The following FAM110D variants were observed in gnomAD, a reference collection of about 807,000 sequenced individuals.
FAM110D encodes the protein protein FAM110D.
For synonymous variants in FAM110D, 174 were observed against 189.4 expected, an observed-to-expected ratio of 0.92 and a Z score of 0.67; for missense variants, 376 against 395.6, an observed-to-expected ratio of 0.95 and a Z score of 0.42.
rs752925601 is a variant in FAM110D, at chr1:26,161,253, G to A, written c.-39G>A. 40 of 1,482,750 alleles carry A rather than the reference G, an allele frequency of 2.7e-5. No individual in the cohort carries two copies. The highest frequency in any genetic ancestry group is 1.8e-4 in the Middle Eastern group (1 of 5,498). 91.8% of individuals were successfully genotyped at this position (1,482,750 alleles called of 1,614,324 possible). On this transcript the variant is annotated 5_prime_UTR_variant, in exon 2 of 2. The change creates a premature stop within an existing upstream ORF in the 5' untranslated region. Transcript: ENST00000374268. The surrounding 1 kb of genome is among the most constrained non-coding windows in gnomAD (Gnocchi z 5.4). ...GCCAATTGCTCTAGGCCCCGTGGCT[G>A]GCTACTTATGGGGCACTGTCCTGAC... is the stretch of plus-strand genomic sequence containing the variant.
At chr1:26,160,084 CTTTTTTTTTT>C (rs1056513694) in intron 1 of FAM110D, among the ~76,000 whole-genome samples, 39 of 115,546 alleles carry the variant, frequency 3.4e-4, no homozygotes, top group Non-Finnish European at 6.4e-5. Flanking sequence ...TCAGTGAGTT[CTTTTTTTTTT>C]TCTTTTTTTT....
At chr1:26,160,547 C>T (rs2088355545) in intron 1 of FAM110D, among the ~76,000 whole-genome samples, 1 of 152,170 alleles carries the variant, frequency 6.6e-6, no homozygotes, top group South Asian at 2.1e-4. Flanking sequence ...CTGAGCAAGC[C>T]CCCCTCCTCT....
chr1:26,160,345 C>T lies in FAM110D; in HGVS notation c.-80-867C>T, dbSNP rs371128048. On this transcript the variant is annotated intron_variant, in intron 1 of 1. Coordinates refer to ENST00000374268, the MANE Select transcript of FAM110D (RefSeq NM_024869.3). Reference sequence around the variant, plus strand: ...CTCACCTAAGGTAATTCACCCACCTCGGCCTCCCAAAGTGCTGGGATTACA... The same window carrying T: ...CTCACCTAAGGTAATTCACCCACCTTGGCCTCCCAAAGTGCTGGGATTACA... 3.3e-3 allele frequency among the ~76,000 whole-genome samples: 502 copies of T among 152,280 alleles called. 5 individuals are homozygous for T. Among genetic ancestry groups the T allele is most frequent in the African/African-American group, 0.012 (485 of 41,556 alleles).
chr1:26,161,105 A>T lies in FAM110D; in HGVS notation c.-80-107A>T. 1.7e-6 allele frequency: 1 copy of T among 591,464 alleles called. No homozygotes were observed. Among genetic ancestry groups the T allele is most frequent in the Non-Finnish European group, 2.9e-6 (1 of 345,216 alleles). The allele number at this position is 591,464 out of a possible 1,614,324, so 36.6% of individuals were successfully genotyped here. A position where few individuals can be genotyped will look rare whatever the true frequency, so the allele number is the denominator to read the frequency against. On this transcript the variant is annotated intron_variant, in intron 1 of 1. Transcript: ENST00000374268. This position sits in a 1 kb window ranked among gnomAD's most constrained non-coding sequence, Gnocchi z 5.4. ...CTGCTCCCTGGATGTGGCACCGGCT[A>T]ACCTGGATGGGAGAGGGTGGCTGAC...
chr1:26,161,860 G>A lies in FAM110D; in HGVS notation c.569G>A (p.Gly190Glu), dbSNP rs1420121053. Residue 190 changes from glycine to glutamate, a missense_variant, in exon 2 of 2, where the codon GGA becomes GAA. Physicochemically the swap from Gly to Glu is moderately conservative, Grantham distance 98 (BLOSUM62 -2). Coordinates refer to ENST00000374268, the MANE Select transcript of FAM110D (RefSeq NM_024869.3). This position sits in a 1 kb window ranked among gnomAD's most constrained non-coding sequence, Gnocchi z 5.4. ...GAERFSPQSW[G>E]ADASPQAGTS... ...GAGCGCTTCTCCCCGCAGAGCTGGG[G>A]AGCCGACGCCAGCCCGCAGGCCGGA... 28 of 1,511,476 alleles carry A rather than the reference G, an allele frequency of 1.9e-5. No homozygotes were observed. The South Asian group carries it at 3.2e-4, about 17-fold the overall frequency. The allele number at this position is 1,511,476 out of a possible 1,614,324, so 93.6% of individuals were successfully genotyped here.
rs1173498166 is a variant in FAM110D at position 26,162,174 on chromosome 1, G to A, written c.*67G>A. On this transcript the variant is annotated 3_prime_UTR_variant, in exon 2 of 2. Coordinates refer to ENST00000374268, the MANE Select transcript of FAM110D (RefSeq NM_024869.3). This position sits in a 1 kb window ranked among gnomAD's most constrained non-coding sequence, Gnocchi z 5.3. Reference sequence around the variant, plus strand: ...CGGAAAAGGACACCCCTCTTCTGGCGCGCTGGGTGCCTTTGCGTAAGCCCT... The same window carrying A: ...CGGAAAAGGACACCCCTCTTCTGGCACGCTGGGTGCCTTTGCGTAAGCCCT... 2 of 1,023,798 alleles carry A rather than the reference G, an allele frequency of 2.0e-6. No individual in the cohort carries two copies. The highest frequency in any genetic ancestry group is 2.5e-6 in the Non-Finnish European group (2 of 789,762). 63.4% of individuals were successfully genotyped at this position (1,023,798 alleles called of 1,614,324 possible). A position where few individuals can be genotyped will look rare whatever the true frequency, so the allele number is the denominator to read the frequency against.
rs1298100457 is a variant in FAM110D, at chr1:26,162,843, C to CA, written c.*741dup. On this transcript the variant is annotated 3_prime_UTR_variant, in exon 2 of 2. Transcript: ENST00000374268. This position sits in a 1 kb window ranked among gnomAD's most constrained non-coding sequence, Gnocchi z 5.3. The stretch of plus-strand genomic sequence containing the variant: ...GGGCTGAGATCCAACCTTTCGGACA[C>CA]AAAAAGAAGGGAACCGGGCCGGGCG... 1 of 152,110 alleles carries CA rather than the reference C, an allele frequency of 6.6e-6. No individual in the cohort carries two copies. Among genetic ancestry groups the CA allele is most frequent in the Non-Finnish European group, 1.5e-5 (1 of 68,038 alleles). 9.4% of individuals were successfully genotyped at this position (152,110 alleles called of 1,614,324 possible). A position where few individuals can be genotyped will look rare whatever the true frequency, so the allele number is the denominator to read the frequency against.
At position 26,161,569 on chromosome 1, in the gene FAM110D, G is replaced by C; in HGVS notation, c.278G>C (p.Cys93Ser). The C allele has an allele frequency of 6.4e-7, 1 of 1,550,418 alleles. No individual in the cohort carries two copies. Among genetic ancestry groups the C allele is most frequent in the South Asian group, 1.2e-5 (1 of 84,094 alleles). ...ATCTTCTACCGCCAGAAGCGGGACTGCAAGGCTTCGGTGAACAAAGAGAAC... is the reference window on the plus strand; with the variant it reads ...ATCTTCTACCGCCAGAAGCGGGACTCCAAGGCTTCGGTGAACAAAGAGAAC... ...SLIFYRQKRD[C>S]KASVNKENAK... Residue 93 changes from cysteine to serine, a missense_variant, in exon 2 of 2, where the codon TGC becomes TCC. Physicochemically the swap from Cys to Ser is moderately radical, Grantham distance 112 (BLOSUM62 -1). Transcript: ENST00000374268. The surrounding 1 kb of genome is among the most constrained non-coding windows in gnomAD (Gnocchi z 5.4).
In FAM110D at chr1:26,161,653, C is replaced by G; in HGVS notation, c.362C>G (p.Pro121Arg). ...LFLGAPRDAA[P>R]SSPASTERPA... is the part of the protein sequence containing the mutation. ...CTGGGTGCCCCGCGGGACGCTGCCCCGAGCAGCCCGGCCTCCACAGAGCGA... is the reference window on the plus strand; with the variant it reads ...CTGGGTGCCCCGCGGGACGCTGCCCGGAGCAGCCCGGCCTCCACAGAGCGA... The change falls in exon 2 of 2, where the codon CCG becomes CGG. Residue 121 changes from proline to arginine, a missense_variant. Transcript: ENST00000374268. This position sits in a 1 kb window ranked among gnomAD's most constrained non-coding sequence, Gnocchi z 5.4. 5 of 1,552,450 alleles carry G rather than the reference C, an allele frequency of 3.2e-6. No individual in the cohort carries two copies. The highest frequency in any genetic ancestry group is 3.5e-6 in the Non-Finnish European group (4 of 1,148,394).
At position 26,163,826 on chromosome 1, in the gene FAM110D, T is replaced by C. The variant is rs1039711277; in HGVS notation, c.*1719T>C. 1.5e-4 allele frequency: 34 copies of C among 221,628 alleles called. No homozygotes were observed. The highest frequency in any genetic ancestry group is 9.9e-4 in the Admixed American group (17 of 17,248). 13.7% of individuals were successfully genotyped at this position (221,628 alleles called of 1,614,324 possible). On this transcript the variant is annotated 3_prime_UTR_variant, in exon 2 of 2. Coordinates refer to ENST00000374268, the MANE Select transcript of FAM110D (RefSeq NM_024869.3). ...AGTTAATCTTTGACCTTTTTCCTAG[T>C]ACAGGGACGGCGCACATAGTAGGGC...
intron 1 of FAM110D, among the ~76,000 whole-genome samples, chr1:26,160,115 G>A (rs888044543): frequency 6.8e-6 from 1 of 146,988 alleles, no homozygotes; most frequent in Non-Finnish European, 1.5e-5. Flanking sequence ...TTTTTGAGAC[G>A]GAGTCTCGCT....
At chr1:26,160,096 C>CTT (rs1165832975) in intron 1 of FAM110D, among the ~76,000 whole-genome samples, 12 of 121,580 alleles carry the variant, frequency 9.9e-5, no homozygotes, top group African/African-American at 3.0e-4. Context: ...TTTTTTTTTT[C>CTT]TTTTTTTTTT....
intron 1 of FAM110D, among the ~76,000 whole-genome samples, chr1:26,159,766 G>T (rs550000064): frequency 1.3e-5 from 2 of 152,030 alleles, no homozygotes; most frequent in African/African-American, 2.4e-5. Flanking sequence ...GACTCAGGGG[G>T]AGTAGGGGAA....
Position 26,161,519 on chromosome 1 carries a change from G to A in FAM110D, c.228G>A (p.Arg76=). Residue 76 remains arginine, a synonymous_variant, in exon 2 of 2, where the codon AGG becomes AGA. Transcript: ENST00000374268. This position sits in a 1 kb window ranked among gnomAD's most constrained non-coding sequence, Gnocchi z 5.4. ...GGCCGGTCCGCCGGGGAAGCGGCAG[G>A]CGGCTGCCGAGGCCTGATTCCCTCA... The part of the protein sequence containing the change: ...TPRPVRRGSG[R]RLPRPDSLIF... 2.6e-6 allele frequency: 4 copies of A among 1,551,124 alleles called. No homozygotes were observed. Among genetic ancestry groups the A allele is most frequent in the Non-Finnish European group, 3.5e-6 (4 of 1,147,344 alleles).
chr1:26,162,568 G>C lies in FAM110D; in HGVS notation c.*461G>C, dbSNP rs1490177043. Reference sequence around the variant, plus strand: ...AAGTATTTCAAAATAGTTGTAATGCGCATGGCAAAGTGCCCAGCATATAGA... The same window carrying C: ...AAGTATTTCAAAATAGTTGTAATGCCCATGGCAAAGTGCCCAGCATATAGA... On this transcript the variant is annotated 3_prime_UTR_variant, in exon 2 of 2. Transcript: ENST00000374268. The surrounding 1 kb of genome is among the most constrained non-coding windows in gnomAD (Gnocchi z 5.3). 1.2e-5 allele frequency: 2 copies of C among 168,778 alleles called. No homozygotes were observed. Among genetic ancestry groups the C allele is most frequent in the Non-Finnish European group, 2.9e-5 (2 of 69,406 alleles). 10.5% of individuals were successfully genotyped at this position (168,778 alleles called of 1,614,324 possible).
intron 1 of FAM110D, among the ~76,000 whole-genome samples, 179 bp downstream of exon 1, chr1:26,159,305 C>T (rs977106918): frequency 3.9e-5 from 6 of 152,164 alleles, no homozygotes; most frequent in South Asian, 2.1e-4. Context: ...ATGGAGGGCC[C>T]GAGGCTGCCT....
rs2088393156 is a variant in FAM110D, at chr1:26,163,767, C to T, written c.*1660C>T. Reference sequence around the variant, plus strand: ...CTATTTTTGGGCCTCAATTTGTCACCTTTTGTGGGACCCGCTGGTACTCTG... The same window carrying T: ...CTATTTTTGGGCCTCAATTTGTCACTTTTTGTGGGACCCGCTGGTACTCTG... On this transcript the variant is annotated 3_prime_UTR_variant, in exon 2 of 2. Transcript: ENST00000374268. 6.0e-6 allele frequency: 1 copy of T among 166,714 alleles called. No homozygotes were observed. Among genetic ancestry groups the T allele is most frequent in the African/African-American group, 2.4e-5 (1 of 42,144 alleles). 10.3% of individuals were successfully genotyped at this position (166,714 alleles called of 1,614,324 possible).
At position 26,162,596 on chromosome 1, in the gene FAM110D, G is replaced by A. The variant is rs2088381368; in HGVS notation, c.*489G>A. On this transcript the variant is annotated 3_prime_UTR_variant, in exon 2 of 2. Transcript: ENST00000374268. The surrounding 1 kb of genome is among the most constrained non-coding windows in gnomAD (Gnocchi z 5.3). The stretch of plus-strand genomic sequence containing the variant: ...TGGCAAAGTGCCCAGCATATAGAAA[G>A]TGCTCAATAAACGATAACTGCTGTG... 1 of 166,956 alleles carries A rather than the reference G, an allele frequency of 6.0e-6. No homozygotes were observed. The allele number at this position is 166,956 out of a possible 1,614,324, so 10.3% of individuals were successfully genotyped here. A position where few individuals can be genotyped will look rare whatever the true frequency, so the allele number is the denominator to read the frequency against.
intron 1 of FAM110D, among the ~76,000 whole-genome samples, chr1:26,160,284 G>A (rs1335088019): frequency 6.6e-6 from 1 of 152,004 alleles, no homozygotes; most frequent in Non-Finnish European, 1.5e-5. Flanking sequence ...AGTAGAGATG[G>A]GGTTTTGCCA....
Sources: allele counts gnomAD v4.1 joint callset (sites outside exome capture counted in the v4.1 genomes callset), GRCh38; gene constraint gnomAD v4.1.1; non-coding constraint Gnocchi (gnomAD v3.1); transcripts MANE v1.5; gene names NCBI Gene and HGNC (gene_info 2026-07-23, HGNC 2026-07-21).